LRRC7: variants seen among roughly 807,000 people sequenced by gnomAD.
LRRC7 encodes the protein leucine-rich repeat-containing protein 7.
LRRC7 carries 23 observed loss-of-function variants against 175.7 expected under a neutral mutation model. The ratio of observed to expected loss-of-function variants is 0.13; its 90% confidence interval spans 0.09 to 0.19. LRRC7 has a LOEUF of 0.19. Ranked by LOEUF, LRRC7 falls within the 10% of genes least tolerant of loss-of-function variation. The pLI, the probability that LRRC7 is intolerant of heterozygous loss-of-function variation, is 1.00. For missense variants in LRRC7, 1,354 were observed against 1,904.7 expected (o/e 0.71, Z 5.38); for synonymous variants, 685 against 680.9 (o/e 1.01, Z -0.09).
At chr1:69,696,662 G>C (rs1243032629) in intron 2 of LRRC7, among the ~76,000 whole-genome samples, 1 of 152,160 alleles carries the variant, frequency 6.6e-6, no homozygotes, top group Non-Finnish European at 1.5e-5. Context: ...GATGTGTTTA[G>C]GTCATGGGGC....
chr1:70,097,046 C>T (rs1664457005), intron 25 of LRRC7, among the ~76,000 whole-genome samples: 1 of 152,172 alleles, frequency 6.6e-6, no homozygotes, highest in Admixed American at 6.5e-5. Context: ...TTTTCTTTAA[C>T]CTATGCCTTT....
At chr1:70,036,957 AAATAAAATGCC>A (rs1353353129) in intron 20 of LRRC7, among the ~76,000 whole-genome samples, 1 of 152,216 alleles carries the variant, frequency 6.6e-6, no homozygotes, top group Non-Finnish European at 1.5e-5. Context: ...TTATGAATTA[AAATAAAATGCC>A]AGTAAAACAC....
rs1339214744 is a variant in LRRC7 at position 69,801,033 on chromosome 1, C to T, written c.421+8873C>T. Among the ~76,000 whole-genome samples, 3 of 151,860 alleles carry T rather than the reference C, an allele frequency of 2.0e-5. No homozygotes were observed. In the East Asian group the frequency reaches 5.8e-4, roughly 29 times the overall value. The stretch of plus-strand genomic sequence containing the variant: ...TTACTTTTGTTTATGTAATAAATTG[C>T]ATTTATTGATATGCCTATTTTGAAC... On this transcript the variant is annotated intron_variant, in intron 4 of 26. Coordinates refer to ENST00000651989, the MANE Select transcript of LRRC7 (RefSeq NM_001370785.2).
Position 69,844,605 on chromosome 1 carries a change from A to C in LRRC7, c.647+6322A>C, listed in dbSNP as rs114876919. Among the ~76,000 whole-genome samples the C allele has an allele frequency of 7.1e-3, 1,076 of 152,224 alleles. 6 individuals carry two copies. Among genetic ancestry groups the C allele is most frequent in the Non-Finnish European group, 0.011 (746 of 68,000 alleles). ...CATCTGTTGTTGGACATTTAAGTTG[A>C]TTCCATATCTTGGCTACTGTGAATA... is the stretch of plus-strand genomic sequence containing the variant. On this transcript the variant is annotated intron_variant, in intron 7 of 26. Transcript: ENST00000651989.
chr1:70,131,651 T>C lies in LRRC7; in HGVS notation c.*9764T>C, dbSNP rs1004959201. Among the ~76,000 whole-genome samples, 15 of 152,168 alleles carry C rather than the reference T, an allele frequency of 9.9e-5. No homozygotes were observed. The highest frequency in any genetic ancestry group is 1.8e-4 in the Non-Finnish European group (12 of 68,018). On this transcript the variant is annotated 3_prime_UTR_variant, in exon 27 of 27. Transcript: ENST00000651989. ...TCTTCTTCTCATAAAATTTTTGATT[T>C]AGAAAGATTTAGATAAAGTCATAGT...
chr1:69,677,411 T>C (rs1482164095), intron 1 of LRRC7, among the ~76,000 whole-genome samples: 1 of 151,888 alleles, frequency 6.6e-6, no homozygotes, highest in East Asian at 1.9e-4. Context: ...TGAAATAGTG[T>C]CTTCTTTTCC....
chr1:70,012,735 A>G (rs2101954304), intron 12 of LRRC7, among the ~76,000 whole-genome samples: 1 of 151,540 alleles, frequency 6.6e-6, no homozygotes, highest in African/African-American at 2.4e-5. Flanking sequence ...ATAAAATTAT[A>G]AAGAAAATTC....
chr1:69,606,017 G>T (rs1478081250), intron 1 of LRRC7, among the ~76,000 whole-genome samples: 1 of 152,086 alleles, frequency 6.6e-6, no homozygotes, highest in Non-Finnish European at 1.5e-5. Context: ...TAATTGTGTT[G>T]TTCTTTTTAA....
intron 2 of LRRC7, among the ~76,000 whole-genome samples, chr1:69,710,296 AAAG>A (rs1188441278): frequency 7.4e-5 from 11 of 148,184 alleles, no homozygotes; most frequent in African/African-American, 2.9e-4. Flanking sequence ...AAAAAAAAAA[AAAG>A]AAAGAAAGAA....
At chr1:69,788,152 A>G (rs992416461) in intron 3 of LRRC7, among the ~76,000 whole-genome samples, 7 of 152,148 alleles carry the variant, frequency 4.6e-5, no homozygotes, top group African/African-American at 1.7e-4. Context: ...TTCAGAGTCC[A>G]AGCAGTCTTC....
chr1:69,939,408 A>G (rs1192483602), intron 8 of LRRC7, among the ~76,000 whole-genome samples: 5 of 152,010 alleles, frequency 3.3e-5, no homozygotes, highest in Non-Finnish European at 5.9e-5. Context: ...ACTGAATTCT[A>G]GTGTCACCAC....
At chr1:69,743,310 G>A (rs1668909927) in intron 2 of LRRC7, among the ~76,000 whole-genome samples, 2 of 151,992 alleles carry the variant, frequency 1.3e-5, no homozygotes, top group African/African-American at 4.8e-5. Context: ...AGGAAGTTGG[G>A]AAAGATCTGC....
intron 13 of LRRC7, chr1:70,014,001 C>T (rs1038645210): frequency 3.3e-5 from 5 of 151,894 alleles, no homozygotes; most frequent in Non-Finnish European, 4.4e-5. Context: ...TAATAATATT[C>T]CCACATAAGG....
At chr1:70,013,599 G>C (rs2101956279) in intron 13 of LRRC7, among the ~76,000 whole-genome samples, 1 of 152,010 alleles carries the variant, frequency 6.6e-6, no homozygotes, top group South Asian at 2.1e-4. Flanking sequence ...AATGAGGAAA[G>C]GATAGGTCCT....
At chr1:69,789,811 C>T (rs557170553) in intron 3 of LRRC7, among the ~76,000 whole-genome samples, 4 of 152,092 alleles carry the variant, frequency 2.6e-5, no homozygotes, top group African/African-American at 2.4e-5. Flanking sequence ...TTCCTGCCTC[C>T]GTCATCTAGA....
At chr1:69,860,167 G>A (rs372770912) in intron 7 of LRRC7, among the ~76,000 whole-genome samples, 2 of 151,440 alleles carry the variant, frequency 1.3e-5, no homozygotes, top group East Asian at 3.9e-4. Flanking sequence ...TATATTCTTT[G>A]TTGAATTCTA....
At position 70,053,008 on chromosome 1, in the gene LRRC7, A is replaced by G. The variant is rs759976450; in HGVS notation, c.4111-18A>G. 3.1e-6 allele frequency: 5 copies of G among 1,590,600 alleles called. No individual in the cohort carries two copies. Among genetic ancestry groups the G allele is most frequent in the South Asian group, 1.2e-5 (1 of 85,768 alleles). ...TTCTACTACATCACTAAAGAATGCC[A>G]TACCATTTTTGCAATAGACCCCGTC... On this transcript the variant is annotated intron_variant, in intron 22 of 26. Coordinates refer to ENST00000651989, the MANE Select transcript of LRRC7 (RefSeq NM_001370785.2).
At chr1:69,679,456 G>C (rs1049308921) in intron 2 of LRRC7, among the ~76,000 whole-genome samples, 7 of 151,944 alleles carry the variant, frequency 4.6e-5, no homozygotes, top group African/African-American at 1.7e-4. Context: ...TTCTTGTTTT[G>C]TTTATTATAA....
At chr1:69,584,565 A>G (rs74084916) in intron 1 of LRRC7, among the ~76,000 whole-genome samples, 4,811 of 152,196 alleles carry the variant, frequency 0.032, 233 homozygotes, top group African/African-American at 0.11. Context: ...ATCTCACATA[A>G]ATATTGTGAA....
Sources: gnomAD v4.1 joint callset for allele counts (sites outside exome capture counted in the v4.1 genomes callset) on GRCh38, gnomAD v4.1.1 for gene constraint, MANE v1.5 for transcripts, NCBI Gene and HGNC (gene_info 2026-07-23, HGNC 2026-07-21) for gene names.